SPO11: variants seen among roughly 807,000 people sequenced by gnomAD.
The protein encoded by SPO11 is SPO11 initiator of meiotic double strand breaks, also known as meiotic recombination protein SPO11.
A neutral mutation model predicts 51.6 loss-of-function variants in SPO11; 49 were observed. The observed-to-expected ratio is 0.95, with a 90% confidence interval of 0.75 to 1.20. The LOEUF is 1.20. Ranked by LOEUF, SPO11 falls within the 50% of genes most tolerant of loss-of-function variation. SPO11 has a pLI of 0.00. For missense variants in SPO11, 431 were observed against 473.4 expected (o/e 0.91, Z 0.83); for synonymous variants, 176 against 158.2 (o/e 1.11, Z -0.84).
chr20:57,342,903 A>G lies in SPO11; in HGVS notation c.1071+63A>G, dbSNP rs903709468. 8.1e-6 allele frequency: 9 copies of G among 1,107,774 alleles called. No homozygotes were observed. The Middle Eastern group carries it at 6.6e-4, about 81-fold the overall frequency. The allele number at this position is 1,107,774 out of a possible 1,614,324, so 68.6% of individuals were successfully genotyped here. ...ATTGTCTTTTACTTTAGTAGTGGCT[A>G]TTCACATCGTATTTTGAAAATATCC... On this transcript the variant is annotated intron_variant, in intron 12 of 12. Coordinates refer to ENST00000371263, the MANE Select transcript of SPO11 (RefSeq NM_012444.3).
Position 57,338,364 on chromosome 20 carries a change from C to G in SPO11, c.833C>G (p.Ala278Gly), listed in dbSNP as rs1267202217. The change falls in exon 9 of 13, where the codon GCT (alanine) becomes GGT (glycine). Residue 278 changes from alanine (A) to glycine (G), a missense_variant. Coordinates refer to ENST00000371263, the MANE Select transcript of SPO11 (RefSeq NM_012444.3). The stretch of plus-strand genomic sequence containing the variant: ...GTTCCTGTTTTCACTCTTGTAGATG[C>G]TGATCCACATGGTAATTTATCACTG... Reference protein sequence around the residue: ...FHVPVFTLVDADPHGIEIMCI... With the variant: ...FHVPVFTLVDGDPHGIEIMCI... The G allele has an allele frequency of 6.2e-7, 1 of 1,604,808 alleles. No homozygotes were observed. Among genetic ancestry groups the G allele is most frequent in the Non-Finnish European group, 8.5e-7 (1 of 1,171,934 alleles).
Position 57,340,173 on chromosome 20 carries a change from TA to T in SPO11, c.958del (p.Arg320AspfsTer2). 2.5e-6 allele frequency: 4 copies of T among 1,597,814 alleles called. No homozygotes were observed. The highest frequency in any genetic ancestry group is 2.6e-6 in the Non-Finnish European group (3 of 1,165,192). The stretch of plus-strand genomic sequence containing the variant: ...GGCTTGGTCTTCTCCCTTCTGATCT[TA>T]AAAGGTTAGATAGTATAGCAGAACT... ...RWLGLLPSDLKRLNVPKDSLI... is the reference protein window; with the variant it reads ...RWLGLLPSDLXRLNVPKDSLI... On this transcript the variant is annotated frameshift_variant, in exon 11 of 13. Coordinates refer to ENST00000371263, the MANE Select transcript of SPO11 (RefSeq NM_012444.3). LOFTEE classifies it high-confidence loss of function.
chr20:57,333,365 T>G, intron 3 of SPO11, 89 bp downstream of exon 3: 1 of 924,406 alleles, frequency 1.1e-6, no homozygotes, highest in South Asian at 1.7e-5. Context: ...TAAATAATTT[T>G]ACCTGTTTTT....
intron 2 of SPO11, among the ~76,000 whole-genome samples, chr20:57,332,892 T>C (rs2066465794): frequency 6.6e-6 from 1 of 152,202 alleles, no homozygotes; most frequent in Non-Finnish European, 1.5e-5. Flanking sequence ...TAAAAATGTC[T>C]TCCCAGTAAA....
In SPO11 at chr20:57,338,352, C is replaced by A; in HGVS notation, c.821C>A (p.Thr274Asn). 1 of 1,612,736 alleles carries A rather than the reference C, an allele frequency of 6.2e-7. No individual in the cohort carries two copies. Among genetic ancestry groups the A allele is most frequent in the East Asian group, 2.2e-5 (1 of 44,862 alleles). The change falls in exon 9 of 13, where the codon ACT becomes AAT. Residue 274 changes from threonine to asparagine, a missense_variant. Transcript: ENST00000371263. ...LWDTFHVPVFTLVDADPHGIE... is the reference protein window; with the variant it reads ...LWDTFHVPVFNLVDADPHGIE... ...GATACATTTCATGTTCCTGTTTTCA[C>A]TCTTGTAGATGCTGATCCACATGGT...
intron 9 of SPO11, among the ~76,000 whole-genome samples, chr20:57,338,646 T>G (rs937059484): frequency 9.9e-5 from 15 of 151,980 alleles, no homozygotes; most frequent in South Asian, 6.2e-4. Flanking sequence ...GGTTTTACCA[T>G]GTTGGCCAGG....
In SPO11 at chr20:57,335,828, T is replaced by G; in HGVS notation, c.665T>G (p.Ile222Ser). Residue 222 changes from isoleucine to serine, a missense_variant, in exon 8 of 13, where the codon ATT becomes AGT. Transcript: ENST00000371263. Reference protein sequence around the residue: ...NLVTDAKFVLIVEKDATFQRL... With the variant: ...NLVTDAKFVLSVEKDATFQRL... ...GTTACAGATGCAAAGTTTGTATTAA[T>G]TGTAGAAAAAGATGCAACATTTCAG... The G allele has an allele frequency of 1.9e-6, 3 of 1,612,666 alleles. No individual in the cohort carries two copies. Among genetic ancestry groups the G allele is most frequent in the Middle Eastern group, 1.7e-4 (1 of 6,060 alleles).
At chr20:57,342,196 T>A (rs28368097) in intron 11 of SPO11, among the ~76,000 whole-genome samples, 6,070 of 152,130 alleles carry the variant, frequency 0.04, 180 homozygotes, top group African/African-American at 0.089. Context: ...GATAAAAGTG[T>A]GTGTGTGTGT....
Position 57,340,231 on chromosome 20 carries a change from T to C in SPO11, c.959+53T>C. 4.7e-5 allele frequency: 58 copies of C among 1,228,526 alleles called. No individual in the cohort carries two copies. The South Asian group carries it at 6.9e-4, about 15-fold the overall frequency. 76.1% of individuals were successfully genotyped at this position (1,228,526 alleles called of 1,614,324 possible). On this transcript the variant is annotated intron_variant, in intron 11 of 12. Transcript: ENST00000371263. ...TTTAAAATGACAGTTCATTATCATA[T>C]GTAACAATAAGCCTAAAAAGTCACT... is the stretch of plus-strand genomic sequence containing the variant.
intron 8 of SPO11, 127 bp from the exon 9 acceptor site, chr20:57,338,149 C>A: frequency 1.4e-6 from 1 of 727,422 alleles, no homozygotes; most frequent in Non-Finnish European, 2.2e-6. Context: ...CCTTGGCCTC[C>A]CAACGTGCTG....
At position 57,337,687 on chromosome 20, in the gene SPO11, A is replaced by T. The variant is rs375123778; in HGVS notation, c.745-589A>T. ...TAGGACCATTTCCTAGGACTGGCAT[A>T]ATTCCCAGTCCTTCAGTCTGTTTGT... On this transcript the variant is annotated intron_variant, in intron 8 of 12. Transcript: ENST00000371263. 37 of 1,178,742 alleles carry T rather than the reference A, an allele frequency of 3.1e-5. 1 individual carries two copies. The East Asian group carries it at 1.5e-3, about 47-fold the overall frequency. 73.0% of individuals were successfully genotyped at this position (1,178,742 alleles called of 1,614,324 possible).
rs1436415357 is a variant in SPO11, at chr20:57,342,740, C to G, written c.971C>G (p.Pro324Arg). The G allele has an allele frequency of 6.2e-7, 1 of 1,610,388 alleles. No individual in the cohort carries two copies. Among genetic ancestry groups the G allele is most frequent in the Non-Finnish European group, 8.5e-7 (1 of 1,177,350 alleles). ...CTACTTTTTTCCAGATTAAATGTAC[C>G]TAAAGATAGTTTGATTCCACTGACA... Reference protein sequence around the residue: ...LPSDLKRLNVPKDSLIPLTKR... With the variant: ...LPSDLKRLNVRKDSLIPLTKR... Residue 324 changes from proline (P) to arginine (R), a missense_variant, in exon 12 of 13, where the codon CCT becomes CGT. Physicochemically the swap from Pro to Arg is moderately radical, Grantham distance 103 (BLOSUM62 -2). This residue lies in a region of SPO11 where 405 missense variants were observed against 425.9 expected (regional missense o/e 0.95). Coordinates refer to ENST00000371263, the MANE Select transcript of SPO11 (RefSeq NM_012444.3).
Position 57,334,030 on chromosome 20 carries a change from G to C in SPO11, c.445G>C (p.Val149Leu), listed in dbSNP as rs541585169. 7.5e-6 allele frequency: 12 copies of C among 1,590,660 alleles called. No individual in the cohort carries two copies. In the South Asian group the frequency reaches 1.2e-4, roughly 15 times the overall value. ...CAGTCAACTCTTTGGTAACCAGACT[G>C]TCGTCGACAATATTATCAATGACAT... ...TDSQLFGNQT[V>L]VDNIINDISC... is the part of the protein sequence containing the mutation. Residue 149 changes from valine (V) to leucine (L), a missense_variant, in exon 5 of 13, where the codon GTC (valine) becomes CTC (leucine). By Grantham distance (32) the Val-to-Leu change is conservative. Coordinates refer to ENST00000371263, the MANE Select transcript of SPO11 (RefSeq NM_012444.3).
In SPO11 at chr20:57,329,850, T is replaced by G; in HGVS notation, c.-18T>G. On this transcript the variant is annotated 5_prime_UTR_variant, in exon 1 of 13. Coordinates refer to ENST00000371263, the MANE Select transcript of SPO11 (RefSeq NM_012444.3). ...CTAGGACAGGGGCTTCTGGAGCTTC[T>G]GGCAGCCGTCTGCCCTCATGGCCTT... The G allele has an allele frequency of 6.2e-7, 1 of 1,604,616 alleles. No homozygotes were observed. The highest frequency in any genetic ancestry group is 1.1e-5 in the South Asian group (1 of 90,682).
In SPO11 at chr20:57,329,897, C is replaced by CTCGTTCT. The variant is rs1568754853; in HGVS notation, c.34_40dup (p.Asp14ValfsTer35). ...CCTTTGCACCTATGGGGCCCGAGGCCTCGTTCTTCGACGTTTTGGACCGAC... is the reference window on the plus strand; with the variant it reads ...CCTTTGCACCTATGGGGCCCGAGGCCTCGTTCTTCGTTCTTCGACGTTTTGGACCGAC... On this transcript the variant is annotated frameshift_variant, in exon 1 of 13. Transcript: ENST00000371263. LOFTEE classifies it high-confidence loss of function. The CTCGTTCT allele has an allele frequency of 6.2e-7, 1 of 1,613,876 alleles. No homozygotes were observed. The highest frequency in any genetic ancestry group is 1.7e-5 in the Admixed American group (1 of 60,030).
At chr20:57,339,771 C>G (rs1457781702) in intron 10 of SPO11, among the ~76,000 whole-genome samples, 1 of 152,208 alleles carries the variant, frequency 6.6e-6, no homozygotes, top group Non-Finnish European at 1.5e-5. Context: ...CAGGGTCTCA[C>G]TCTGTCATCC....
chr20:57,336,042 T>C (rs955601503), intron 8 of SPO11, 135 bp downstream of exon 8: 1 of 589,294 alleles, frequency 1.7e-6, no homozygotes, highest in African/African-American at 1.9e-5. Flanking sequence ...AGAACGGGAA[T>C]TTCCAATGTG....
rs747056632 is a variant in SPO11 at position 57,335,865 on chromosome 20, T to C, written c.702T>C (p.Asp234=). ...EKDATFQRLL[D]DNFCNKLSPC... is the part of the protein sequence containing the mutation. ...ATGCAACATTTCAGCGGCTCCTAGA[T>C]GACAACTTTTGCAACAAATTGTCTC... Residue 234 remains aspartate, a synonymous_variant, in exon 8 of 13, where the codon GAT becomes GAC. Transcript: ENST00000371263. 2 of 1,613,208 alleles carry C rather than the reference T, an allele frequency of 1.2e-6. No individual in the cohort carries two copies. The highest frequency in any genetic ancestry group is 2.2e-5 in the East Asian group (1 of 44,870).
At position 57,335,456 on chromosome 20, in the gene SPO11, G is replaced by C; in HGVS notation, c.634+1G>C. The stretch of plus-strand genomic sequence containing the variant: ...CCATCGAATATTCAAGGAATTCGGA[G>C]TATCCTTTAAGTGGGAAAACTATTT... On this transcript the variant is annotated splice_donor_variant, in intron 7 of 12. Coordinates refer to ENST00000371263, the MANE Select transcript of SPO11 (RefSeq NM_012444.3). LOFTEE classifies it high-confidence loss of function. The C allele has an allele frequency of 1.9e-6, 3 of 1,610,276 alleles. No homozygotes were observed. Among genetic ancestry groups the C allele is most frequent in the Non-Finnish European group, 2.5e-6 (3 of 1,178,870 alleles).
Sources: gnomAD v4.1 joint callset for allele counts (sites outside exome capture counted in the v4.1 genomes callset) on GRCh38, gnomAD v4.1.1 for gene constraint, gnomAD v4.1.1 regional missense constraint, MANE v1.5 for transcripts, NCBI Gene and HGNC (gene_info 2026-07-23, HGNC 2026-07-21) for gene names.